Variants in TFE3 observed in about 807,000 individuals in gnomAD.
TFE3 encodes transcription factor E3.
A neutral mutation model predicts 35.0 loss-of-function variants in TFE3; 5 were observed. The observed-to-expected ratio is 0.14, with a 90% confidence interval of 0.07 to 0.30. The LOEUF is 0.30. Ranked by LOEUF, TFE3 falls within the 10% of genes least tolerant of loss-of-function variation. TFE3 has a pLI of 1.00. For synonymous variants in TFE3, 211 were observed against 215.6 expected (o/e 0.98, Z 0.18); for missense variants, 374 against 496.6 (o/e 0.75, Z 2.35).
chrX:49,030,877 G>A (rs1423598609), intron 9 of TFE3, among the ~76,000 whole-genome samples: 3 of 111,129 alleles, frequency 2.7e-5, no homozygotes, highest in Middle Eastern at 4.6e-3. Flanking sequence ...CTGAGGTCAG[G>A]AGTTCGAGAC....
Position 49,029,849 on chromosome X carries a change from C to T in TFE3, c.*309G>A, listed in dbSNP as rs782319184. On this transcript the variant is annotated 3_prime_UTR_variant, in exon 10 of 10. Transcript: ENST00000315869. ...ATCCTGTCTCCTTCCCTCACCTGGGCAAGGATGAGTCCCACAGGGGCAGGG... is the reference window on the plus strand; with the variant it reads ...ATCCTGTCTCCTTCCCTCACCTGGGTAAGGATGAGTCCCACAGGGGCAGGG... The T allele has an allele frequency of 2.0e-6, 1 of 495,133 alleles. No homozygotes were observed. The highest frequency in any genetic ancestry group is 3.8e-6 in the Non-Finnish European group (1 of 266,167). 40.8% of individuals were successfully genotyped at this position (495,133 alleles called of 1,213,427 possible). A position where few individuals can be genotyped will look rare whatever the true frequency, so the allele number is the denominator to read the frequency against.
Position 49,030,053 on chromosome X carries a change from C to T in TFE3, c.*105G>A, listed in dbSNP as rs2031305516. The T allele has an allele frequency of 1.1e-6, 1 of 873,193 alleles. No individual in the cohort carries two copies. Among genetic ancestry groups the T allele is most frequent in the African/African-American group, 2.0e-5 (1 of 49,344 alleles). The allele number at this position is 873,193 out of a possible 1,213,427, so 72.0% of individuals were successfully genotyped here. On this transcript the variant is annotated 3_prime_UTR_variant, in exon 10 of 10. Coordinates refer to ENST00000315869, the MANE Select transcript of TFE3 (RefSeq NM_006521.6). ...CACATCTCCTCTTCCCCCAGGATACCTGGGCAGGGCAGTCTCATGGGAGGG... is the reference window on the plus strand; with the variant it reads ...CACATCTCCTCTTCCCCCAGGATACTTGGGCAGGGCAGTCTCATGGGAGGG...
In TFE3 at chrX:49,039,346, C is replaced by T; in HGVS notation, c.295G>A (p.Gly99Arg). The T allele has an allele frequency of 8.3e-7, 1 of 1,206,888 alleles. No individual in the cohort carries two copies. The highest frequency in any genetic ancestry group is 1.1e-6 in the Non-Finnish European group (1 of 893,015). Residue 99 changes from glycine to arginine, a missense_variant, in exon 3 of 10, where the codon GGG (glycine) becomes AGG (arginine). Around this residue, in one of 3 missense-constraint regions of TFE3, gnomAD observed 90 missense variants for 87.5 expected, o/e 1.03. Transcript: ENST00000315869. The stretch of plus-strand genomic sequence containing the variant: ...GACATGGCAGGGGTCCTGGAGCCCC[C>T]TGCAGAAGACGATGCAGAGAGTGTA... ...PATLSASSSAGGSRTPAMSSS... is the reference protein window; with the variant it reads ...PATLSASSSARGSRTPAMSSS...
chrX:49,034,097 A>G (rs781888101), intron 6 of TFE3, 37 bp downstream of exon 6: 1 of 1,118,293 alleles, frequency 8.9e-7, no homozygotes, highest in South Asian at 1.8e-5. Flanking sequence ...ACCTGGGGTA[A>G]AGTGTAGGGC....
In TFE3 at chrX:49,039,244, G is replaced by C; in HGVS notation, c.397C>G (p.Arg133Gly). ...AQAQEQERRE[R>G]REQAAAAPFP... ...GGAGCCGCGGCGGCCTGTTCCCGAC[G>C]CTCACGCCTCTCCTGCTCCTGCGCC... The change falls in exon 3 of 10, where the codon CGT becomes GGT. Residue 133 changes from arginine to glycine, a missense_variant. This residue lies in a region of TFE3 where 167 missense variants were observed against 297.2 expected (regional missense o/e 0.56). Coordinates refer to ENST00000315869, the MANE Select transcript of TFE3 (RefSeq NM_006521.6). 3 of 1,206,531 alleles carry C rather than the reference G, an allele frequency of 2.5e-6. No individual in the cohort carries two copies. Among genetic ancestry groups the C allele is most frequent in the Non-Finnish European group, 3.4e-6 (3 of 893,052 alleles).
chrX:49,040,924 C>A, intron 1 of TFE3, among the ~76,000 whole-genome samples: 1 of 106,226 alleles, frequency 9.4e-6, no homozygotes. Flanking sequence ...CTCCCAGCCC[C>A]CATACCCCCT....
At position 49,029,305 on chromosome X, in the gene TFE3, C is replaced by T; in HGVS notation, c.*853G>A. 1 of 182,315 alleles carries T rather than the reference C, an allele frequency of 5.5e-6. No individual in the cohort carries two copies. 15.0% of individuals were successfully genotyped at this position (182,315 alleles called of 1,213,427 possible). A position where few individuals can be genotyped will look rare whatever the true frequency, so the allele number is the denominator to read the frequency against. ...ATCCATGAAATTTCATAATCTGTCC[C>T]CTTCCCCAAGAGCAAGGTTGGCTCA... On this transcript the variant is annotated 3_prime_UTR_variant, in exon 10 of 10. Coordinates refer to ENST00000315869, the MANE Select transcript of TFE3 (RefSeq NM_006521.6).
intron 3 of TFE3, 94 bp from the exon 4 acceptor site, chrX:49,038,536 A>G (rs2064743444): frequency 9.4e-7 from 1 of 1,059,977 alleles, no homozygotes; most frequent in African/African-American, 1.9e-5. Context: ...CTCCTAACTC[A>G]TTGGTGCCTA....
At chrX:49,040,662 A>C in intron 1 of TFE3, 94 bp from the exon 2 acceptor site, 1 of 601,650 alleles carries the variant, frequency 1.7e-6, no homozygotes, top group Non-Finnish European at 2.7e-6. Flanking sequence ...AGAGGGGGGG[A>C]GAACGAAGAG....
intron 8 of TFE3, 73 bp from the exon 9 acceptor site, chrX:49,031,617 C>T (rs782039733): frequency 1.0e-5 from 11 of 1,060,591 alleles, no homozygotes; most frequent in African/African-American, 3.8e-5. Flanking sequence ...GCGGGGATTG[C>T]ACCAGGTGGG....
Position 49,033,501 on chromosome X carries a change from T to C in TFE3, c.1100A>G (p.Lys367Arg), listed in dbSNP as rs2147770094. ...CTTAGGGATGAGAGTGCCCAGTTCC[T>C]TGATCCTGTCGTTAATGTTGAATCG... Reference protein sequence around the residue: ...RRRFNINDRIKELGTLIPKSS... With the variant: ...RRRFNINDRIRELGTLIPKSS... Residue 367 changes from lysine (K) to arginine (R), a missense_variant, in exon 8 of 10, where the codon AAG (lysine) becomes AGG (arginine). Transcript: ENST00000315869. 1 of 1,211,964 alleles carries C rather than the reference T, an allele frequency of 8.3e-7. No homozygotes were observed. The highest frequency in any genetic ancestry group is 1.1e-6 in the Non-Finnish European group (1 of 895,588).
chrX:49,034,659 C>T (rs1557074354), intron 5 of TFE3, among the ~76,000 whole-genome samples: 2 of 112,253 alleles, frequency 1.8e-5, no homozygotes, highest in Admixed American at 9.5e-5. Flanking sequence ...CCCAGCACAA[C>T]ATTCCAATCC....
chrX:49,040,419 A>G lies in TFE3; in HGVS notation c.230+36T>C, dbSNP rs782554829. On this transcript the variant is annotated intron_variant, in intron 2 of 9. Coordinates refer to ENST00000315869, the MANE Select transcript of TFE3 (RefSeq NM_006521.6). ...CAAGAGGGGAGAGGAGGGCTGAGGA[A>G]TTGGGAGGGGAATCAGATAGACAAG... The G allele has an allele frequency of 1.0e-5, 11 of 1,071,277 alleles. No homozygotes were observed. The South Asian group carries it at 1.7e-4, about 16-fold the overall frequency. The allele number at this position is 1,071,277 out of a possible 1,213,427, so 88.3% of individuals were successfully genotyped here.
In TFE3 at chrX:49,030,237, G is replaced by T; in HGVS notation, c.1649C>A (p.Pro550His). 8.3e-7 allele frequency: 1 copy of T among 1,209,845 alleles called. No individual in the cohort carries two copies. The highest frequency in any genetic ancestry group is 1.1e-6 in the Non-Finnish European group (1 of 894,561). ...AGCAGGGGACACTGAAGAGAGCAGG[G>T]GATCGGAGGCAGCCCGCAGTGGGGA... ...ALSPLRAASD[P>H]LLSSVSPAVS... The change falls in exon 10 of 10, where the codon CCC becomes CAC. Residue 550 changes from proline (P) to histidine (H), a missense_variant. Pro to His is a moderately conservative substitution (Grantham distance 77). Coordinates refer to ENST00000315869, the MANE Select transcript of TFE3 (RefSeq NM_006521.6).
intron 9 of TFE3, among the ~76,000 whole-genome samples, chrX:49,031,070 C>T (rs1296438405): frequency 6.6e-5 from 6 of 90,943 alleles, no homozygotes; most frequent in Non-Finnish European, 1.1e-4. Context: ...GGGCAACGAG[C>T]GAAACTCCAT....
At chrX:49,040,689 C>T in intron 1 of TFE3, 121 bp from the exon 2 acceptor site, 1 of 484,115 alleles carries the variant, frequency 2.1e-6, no homozygotes, top group South Asian at 3.1e-5. Context: ...ACAAGCCCCT[C>T]ATATTTGGCC....
chrX:49,030,169 C>T lies in TFE3; in HGVS notation c.1717G>A (p.Glu573Lys), dbSNP rs1314348206. 7 of 1,205,869 alleles carry T rather than the reference C, an allele frequency of 5.8e-6. No homozygotes were observed. Among genetic ancestry groups the T allele is most frequent in the Non-Finnish European group, 7.8e-6 (7 of 893,274 alleles). The change falls in exon 10 of 10, where the codon GAG becomes AAG. Residue 573 changes from glutamate to lysine, a missense_variant. Physicochemically the swap from Glu to Lys is moderately conservative, Grantham distance 56. Transcript: ENST00000315869. ...SSRRSSFSME[E>K]ES ...GGGGTGAGGCCTGATCAGGACTCCT[C>T]TTCCATGCTGAAGCTGCTGCGGCGG...
At chrX:49,035,134 A>C (rs1057427321) in intron 5 of TFE3, among the ~76,000 whole-genome samples, 4 of 107,472 alleles carry the variant, frequency 3.7e-5, no homozygotes, top group Admixed American at 1.0e-4. Flanking sequence ...AACATGGTGA[A>C]ACTCTGTCTC....
chrX:49,038,042 C>T lies in TFE3; in HGVS notation c.853G>A (p.Gly285Arg), dbSNP rs199894897. ...GGGAGCTGCAGTCCTGTGGTGCCTC[C>T]GGGCAGATAGCTGAGCATTTCATCA... ...YNDEMLSYLP[G>R]GTTGLQLPST... The change falls in exon 5 of 10, where the codon GGA becomes AGA. Residue 285 changes from glycine (G) to arginine (R), a missense_variant. Transcript: ENST00000315869. 4.0e-5 allele frequency: 48 copies of T among 1,203,389 alleles called. No individual in the cohort carries two copies. Among genetic ancestry groups the T allele is most frequent in the Non-Finnish European group, 5.0e-5 (45 of 891,589 alleles).
Sources: gnomAD v4.1 joint callset for allele counts (sites outside exome capture counted in the v4.1 genomes callset) on GRCh38, gnomAD v4.1.1 for gene constraint, gnomAD v4.1.1 regional missense constraint, MANE v1.5 for transcripts, NCBI Gene and HGNC (gene_info 2026-07-23, HGNC 2026-07-21) for gene names.